Variants in SORCS1 observed in about 807,000 individuals in gnomAD.
SORCS1 encodes VPS10 domain-containing receptor SorCS1.
In SORCS1, 60 loss-of-function variants were observed where a neutral mutation model predicts 146.1. The observed-to-expected ratio is 0.41, with a 90% CI of 0.33 to 0.51. The LOEUF is 0.51. Ranked by LOEUF, SORCS1 falls within the 20% of genes least tolerant of loss-of-function variation. The probability of loss-of-function intolerance (pLI) is 0.21; values close to 1 mark genes in which losing one functional copy is unlikely to be tolerated. For missense variants in SORCS1, 1,352 were observed against 1,487.6 expected (o/e 0.91, Z 1.50); for synonymous variants, 637 against 584.0 (o/e 1.09, Z -1.31).
At chr10:106,847,992 G>A (rs1949377130) in intron 2 of SORCS1, among the ~76,000 whole-genome samples, 1 of 146,890 alleles carries the variant, frequency 6.8e-6, no homozygotes, top group African/African-American at 2.6e-5. Context: ...GCTGAGGAGA[G>A]CTTTACTTCC....
At chr10:106,949,592 T>C (rs1395608655) in intron 2 of SORCS1, among the ~76,000 whole-genome samples, 1 of 152,170 alleles carries the variant, frequency 6.6e-6, no homozygotes, top group Non-Finnish European at 1.5e-5. Context: ...CGAAATTGTG[T>C]CTCCTGAGAA....
intron 1 of SORCS1, among the ~76,000 whole-genome samples, chr10:107,042,574 C>T (rs1341233733): frequency 6.6e-6 from 1 of 151,474 alleles, no homozygotes; most frequent in African/African-American, 2.4e-5. Flanking sequence ...ATGCTGTGTA[C>T]AGGGAACCCC....
At chr10:107,021,765 A>T (rs573284104) in intron 1 of SORCS1, among the ~76,000 whole-genome samples, 3 of 152,100 alleles carry the variant, frequency 2.0e-5, no homozygotes, top group Non-Finnish European at 4.4e-5. Context: ...GAAATTTCAA[A>T]CTTTTTCACT....
intron 2 of SORCS1, among the ~76,000 whole-genome samples, chr10:106,862,339 C>T (rs751714287): frequency 6.6e-6 from 1 of 151,414 alleles, no homozygotes; most frequent in Non-Finnish European, 1.5e-5. Context: ...TGATGCTATC[C>T]AGAAAACATA....
chr10:106,964,015 C>T (rs1200623753), intron 1 of SORCS1, among the ~76,000 whole-genome samples: 2 of 152,138 alleles, frequency 1.3e-5, no homozygotes, highest in Non-Finnish European at 2.9e-5. Context: ...GAAAAGGATG[C>T]ATTTAAGACA....
chr10:106,895,197 A>C (rs531031941), intron 2 of SORCS1, among the ~76,000 whole-genome samples: 1 of 152,252 alleles, frequency 6.6e-6, no homozygotes, highest in African/African-American at 2.4e-5. Context: ...GGGTTTTGAA[A>C]CATCTGGAAT....
intron 21 of SORCS1, among the ~76,000 whole-genome samples, chr10:106,616,864 T>G (rs1847395538): frequency 6.6e-6 from 1 of 151,908 alleles, no homozygotes. Flanking sequence ...AGCCCCAAAT[T>G]ATCTCATCAA....
In SORCS1 at chr10:107,108,819, C is replaced by A. The variant is rs1965486522; in HGVS notation, c.558+55150G>T. On this transcript the variant is annotated intron_variant, in intron 1 of 25. Transcript: ENST00000263054. ...TTATGAGCCTGTAACATAAAAAAAA[C>A]AAATTTGTTACTTCCAAGATTCAAT... 2.0e-5 allele frequency among the ~76,000 whole-genome samples: 3 copies of A among 152,156 alleles called. No individual in the cohort carries two copies. In the South Asian group the frequency reaches 6.2e-4, roughly 32 times the overall value.
At chr10:106,980,940 T>A (rs919415838) in intron 1 of SORCS1, among the ~76,000 whole-genome samples, 11 of 152,166 alleles carry the variant, frequency 7.2e-5, no homozygotes, top group Non-Finnish European at 5.9e-5. Context: ...ATTTATTTCG[T>A]TTAAGCTTGA....
At chr10:106,673,021 A>AT (rs1851724181) in intron 14 of SORCS1, 36 bp from the exon 15 acceptor site, 1 of 1,512,964 alleles carries the variant, frequency 6.6e-7, no homozygotes, top group African/African-American at 1.4e-5. Context: ...AATTACAATG[A>AT]TAACAATGTA....
chr10:106,726,110 C>G (rs1161749759), intron 6 of SORCS1, among the ~76,000 whole-genome samples: 1 of 149,016 alleles, frequency 6.7e-6, no homozygotes, highest in African/African-American at 2.5e-5. Flanking sequence ...CCAACCTCCT[C>G]CTCTCTGTTT....
At chr10:106,891,504 CTT>C (rs760812204) in intron 2 of SORCS1, among the ~76,000 whole-genome samples, 7 of 97,212 alleles carry the variant, frequency 7.2e-5, no homozygotes, top group Non-Finnish European at 6.9e-5. Context: ...AATGGGAATT[CTT>C]TTTTTTTTTT....
intron 5 of SORCS1, among the ~76,000 whole-genome samples, chr10:106,747,093 A>T (rs769380401): frequency 6.6e-6 from 1 of 152,202 alleles, no homozygotes; most frequent in Non-Finnish European, 1.5e-5. Context: ...GCTGCCTTAA[A>T]CTTCAGCACT....
chr10:107,169,884 A>G, the SORCS1 span, among the ~76,000 whole-genome samples: 1 of 152,190 alleles, frequency 6.6e-6, no homozygotes, highest in African/African-American at 2.4e-5. Context: ...TGCAGTGCTT[A>G]TACAATCATT....
Position 107,140,515 on chromosome 10 carries a change from C to T in SORCS1, c.558+23454G>A, listed in dbSNP as rs190560491. 1.6e-3 allele frequency among the ~76,000 whole-genome samples: 245 copies of T among 152,274 alleles called. 1 individual carries two copies. The highest frequency in any genetic ancestry group is 2.8e-3 in the Non-Finnish European group (192 of 68,010). ...TGTCACAGACTGAGCTAAAATTCCA[C>T]GTTTACTGTGAATGCCTATAATGTT... On this transcript the variant is annotated intron_variant, in intron 1 of 25. Coordinates refer to ENST00000263054, the MANE Select transcript of SORCS1 (RefSeq NM_052918.5).
intron 24 of SORCS1, 23 bp from the exon 25 acceptor site, chr10:106,579,497 G>A: frequency 4.3e-6 from 7 of 1,612,194 alleles, no homozygotes; most frequent in Non-Finnish European, 5.9e-6. Flanking sequence ...ACAGAGCAGA[G>A]AAAAATGAGC....
intron 2 of SORCS1, among the ~76,000 whole-genome samples, chr10:106,948,288 GAA>G (rs58693047): frequency 0.053 from 7,934 of 148,894 alleles, 607 homozygotes; most frequent in African/African-American, 0.16. Flanking sequence ...ACAGTTTTTT[GAA>G]AAAAAAAAAA....
At chr10:106,866,868 C>A (rs117198041) in intron 2 of SORCS1, among the ~76,000 whole-genome samples, 8 of 152,304 alleles carry the variant, frequency 5.3e-5, no homozygotes, top group Non-Finnish European at 8.8e-5. Context: ...ATCTACACTG[C>A]ACTTAAAGGA....
intron 1 of SORCS1, among the ~76,000 whole-genome samples, chr10:107,148,105 G>A (rs1017290157): frequency 5.3e-5 from 8 of 152,182 alleles, no homozygotes; most frequent in Non-Finnish European, 7.3e-5. Context: ...TCCACTTTGT[G>A]ACTGGAAGTC....
Sources: gnomAD v4.1 joint callset for allele counts (sites outside exome capture counted in the v4.1 genomes callset) on GRCh38, gnomAD v4.1.1 for gene constraint, MANE v1.5 for transcripts, NCBI Gene and HGNC (gene_info 2026-07-23, HGNC 2026-07-21) for gene names.